The following OPLAH variants were observed in gnomAD, a reference collection of about 807,000 sequenced individuals.
OPLAH encodes the protein 5-oxoprolinase, ATP-hydrolysing.
OPLAH carries 103 observed loss-of-function variants against 122.8 expected under a neutral mutation model. The ratio of observed to expected loss-of-function variants is 0.84; its 90% CI spans 0.71 to 0.99. The LOEUF is 0.99. OPLAH is among the 50% of genes least tolerant of loss of function. The pLI is 0.00. For missense variants in OPLAH, 1,902 were observed against 1,836.5 expected (o/e 1.04, Z -0.65); for synonymous variants, 875 against 796.0 (o/e 1.10, Z -1.67).
chr8:144,062,251 G>A (rs1389369572), upstream of OPLAH, among the ~76,000 whole-genome samples: 3 of 152,120 alleles, frequency 2.0e-5, no homozygotes, highest in Admixed American at 6.5e-5. Flanking sequence ...AGACAGGGAT[G>A]GGGCCCAGGA....
At position 144,055,095 on chromosome 8, in the gene OPLAH, C is replaced by T; in HGVS notation, c.2343G>A (p.Gly781=). 1 of 1,576,762 alleles carries T rather than the reference C, an allele frequency of 6.3e-7. No homozygotes were observed. The highest frequency in any genetic ancestry group is 8.6e-7 in the Non-Finnish European group (1 of 1,162,002). Residue 781 remains glycine, a synonymous_variant, in exon 17 of 27, where the codon GGG becomes GGA. Coordinates refer to ENST00000618853, the MANE Select transcript of OPLAH (RefSeq NM_017570.5). The surrounding 1 kb of genome is among the most constrained non-coding windows in gnomAD (Gnocchi z 6.5). ...FSCALFGPDG[G]LVSNAPHIPV... ...GGATGTGGGGGGCATTGGACACCAG[C>T]CCCCCATCGGGCCCAAAGAGGGCAC...
downstream of OPLAH, chr8:144,050,509 C>T: frequency 1.0e-6 from 1 of 985,452 alleles, no homozygotes; most frequent in Non-Finnish European, 1.2e-6. Context: ...GGCCCGGCCC[C>T]GCCCACCGCG....
At chr8:144,051,168 G>A, downstream of OPLAH, 1 of 1,435,446 alleles carries the variant, frequency 7.0e-7, no homozygotes, top group African/African-American at 1.5e-5. Context: ...GGACCACCGG[G>A]CAGTGCGCCT....
At chr8:144,059,826 G>T (rs781828928) in intron 2 of OPLAH, 36 bp from the exon 3 acceptor site, 3 of 1,611,028 alleles carry the variant, frequency 1.9e-6, no homozygotes, top group Admixed American at 3.3e-5. Flanking sequence ...GCTTCTGGCC[G>T]TGGGGTCCCT....
Position 144,057,326 on chromosome 8 carries a change from G to A in OPLAH, c.1423-6C>T. The stretch of plus-strand genomic sequence containing the variant: ...GAGGGGTCATGGCCTCTTGCCTAGG[G>A]AGACAGAAGGGGTCAGTGGGCTCTC... On this transcript the variant is annotated splice_region_variant and splice_polypyrimidine_tract_variant and intron_variant, in intron 10 of 26. Transcript: ENST00000618853. 6.2e-7 allele frequency: 1 copy of A among 1,609,580 alleles called. No homozygotes were observed. The highest frequency in any genetic ancestry group is 8.5e-7 in the Non-Finnish European group (1 of 1,178,548).
intron 22 of OPLAH, 40 bp from the exon 23 acceptor site, chr8:144,052,638 G>C (rs781985960): frequency 1.3e-6 from 2 of 1,559,960 alleles, no homozygotes. Context: ...CTTGGGGTGG[G>C]CTCCGGGAGA....
rs781838569 is a variant in OPLAH at position 144,054,580 on chromosome 8, C to T, written c.2667G>A (p.Gly889=). ...AVFLSFKLVQ[G]GVFQEEAVTE... ...ACTCACCCTCCTCCTGGAAGACGCC[C>T]CCCTGGACAAGTTTGAAGGACAGAA... is the stretch of plus-strand genomic sequence containing the variant. The change falls in exon 19 of 27, where the codon GGG becomes GGA. Residue 889 remains glycine (G), a synonymous_variant. Coordinates refer to ENST00000618853, the MANE Select transcript of OPLAH (RefSeq NM_017570.5). 6.9e-6 allele frequency: 11 copies of T among 1,595,704 alleles called. No individual in the cohort carries two copies. Among genetic ancestry groups the T allele is most frequent in the African/African-American group, 4.0e-5 (3 of 74,692 alleles).
chr8:144,050,834 C>T (rs1485509950), downstream of OPLAH: 2 of 991,766 alleles, frequency 2.0e-6, no homozygotes, highest in Non-Finnish European at 2.4e-6. Context: ...CAGTCCATGG[C>T]CTCCTCCCCC....
Position 144,051,822 on chromosome 8 carries a change from G to A in OPLAH, c.3627C>T (p.Gly1209=), listed in dbSNP as rs1387741651. The change falls in exon 26 of 27, where the codon GGC becomes GGT. Residue 1209 remains glycine, a synonymous_variant. Coordinates refer to ENST00000618853, the MANE Select transcript of OPLAH (RefSeq NM_017570.5). ...GGTTTAGGCCGCGGGCGCCAGGCTC[G>A]CCCCCTGCGGAGGGAGGCGAGGAGT... ...RAFRPYGLHG[G]EPGARGLNLL... is the part of the protein sequence containing the mutation. The A allele has an allele frequency of 7.4e-6, 10 of 1,345,960 alleles. No individual in the cohort carries two copies. The highest frequency in any genetic ancestry group is 9.8e-6 in the Non-Finnish European group (10 of 1,023,534). The allele number at this position is 1,345,960 out of a possible 1,614,324, so 83.4% of individuals were successfully genotyped here. A position where few individuals can be genotyped will look rare whatever the true frequency, so the allele number is the denominator to read the frequency against.
Position 144,052,843 on chromosome 8 carries a change from C to T in OPLAH, c.3076G>A (p.Ala1026Thr), listed in dbSNP as rs1195814367. Reference protein sequence around the residue: ...TGPEVFGNLNAPRAVTLSALI... With the variant: ...TGPEVFGNLNTPRAVTLSALI... ...GCGGACAGGGTTACGGCCCGCGGTGCGTTGAGATTACCAAACACCTCCGGC... is the reference window on the plus strand; with the variant it reads ...GCGGACAGGGTTACGGCCCGCGGTGTGTTGAGATTACCAAACACCTCCGGC... Residue 1026 changes from alanine (A) to threonine (T), a missense_variant, in exon 22 of 27, where the codon GCA becomes ACA. By Grantham distance (58) the Ala-to-Thr change is moderately conservative (BLOSUM62 0). This residue lies in a region of OPLAH where 1,726 missense variants were observed against 1,642.1 expected (regional missense o/e 1.05). Transcript: ENST00000618853. 1.9e-6 allele frequency: 3 copies of T among 1,555,622 alleles called. No homozygotes were observed. The highest frequency in any genetic ancestry group is 3.9e-5 in the Admixed American group (2 of 51,410).
chr8:144,058,967 G>A lies in OPLAH; in HGVS notation c.463+13C>T, dbSNP rs1342465025. On this transcript the variant is annotated intron_variant, in intron 4 of 26. Transcript: ENST00000618853. ...TCCGGCCCCAAATCCCACAGCAGCG[G>A]CGGCACACACACCTTTCACAGGCGT... 2 of 1,560,060 alleles carry A rather than the reference G, an allele frequency of 1.3e-6. No homozygotes were observed. Among genetic ancestry groups the A allele is most frequent in the Non-Finnish European group, 1.7e-6 (2 of 1,153,608 alleles).
At chr8:144,059,146 GGGT>G in intron 3 of OPLAH, 67 bp from the exon 4 acceptor site, 2 of 1,277,156 alleles carry the variant, frequency 1.6e-6, no homozygotes, top group Non-Finnish European at 2.2e-6. Flanking sequence ...CTGTGTGAGT[GGGT>G]GGTACAGGTG....
Position 144,057,332 on chromosome 8 carries a change from G to A in OPLAH, c.1423-12C>T, listed in dbSNP as rs1554759521. The A allele has an allele frequency of 6.2e-7, 1 of 1,607,554 alleles. No individual in the cohort carries two copies. Among genetic ancestry groups the A allele is most frequent in the East Asian group, 2.2e-5 (1 of 44,656 alleles). ...TCATGGCCTCTTGCCTAGGGAGACA[G>A]AAGGGGTCAGTGGGCTCTCCTACTC... is the stretch of plus-strand genomic sequence containing the variant. On this transcript the variant is annotated splice_polypyrimidine_tract_variant and intron_variant, in intron 10 of 26. Transcript: ENST00000618853.
In OPLAH at chr8:144,055,176, G is replaced by T. The variant is rs1554758697; in HGVS notation, c.2262C>A (p.Arg754=). ...TGGAGATGGCTGTGCGCTGCAGGAT[G>T]CGGCCCATCTGCTCTAGGAGCACAA... The part of the protein sequence containing the change: ...RFMSIAEQMG[R]ILQRTAISTN... Residue 754 remains arginine, a synonymous_variant, in exon 17 of 27, where the codon CGC becomes CGA. Coordinates refer to ENST00000618853, the MANE Select transcript of OPLAH (RefSeq NM_017570.5). This position sits in a 1 kb window ranked among gnomAD's most constrained non-coding sequence, Gnocchi z 6.5. 1 of 1,543,642 alleles carries T rather than the reference G, an allele frequency of 6.5e-7. No homozygotes were observed.
chr8:144,057,054 G>A lies in OPLAH; in HGVS notation c.1600C>T (p.Pro534Ser), dbSNP rs1193257365. The A allele has an allele frequency of 6.2e-7, 1 of 1,602,294 alleles. No individual in the cohort carries two copies. Among genetic ancestry groups the A allele is most frequent in the East Asian group, 2.3e-5 (1 of 44,444 alleles). The change falls in exon 12 of 27, where the codon CCC (proline) becomes TCC (serine). Residue 534 changes from proline to serine, a missense_variant. Transcript: ENST00000618853. ...LADVVHEAQE[P>S]CSLLYAPETF... ...TCAGGCGCGTAGAGCAGGGAGCAGG[G>A]TTCCTGTGCCTCATGCACCACGTCA...
upstream of OPLAH, among the ~76,000 whole-genome samples, chr8:144,062,798 G>C (rs1835685149): frequency 6.6e-6 from 1 of 151,972 alleles, no homozygotes; most frequent in Admixed American, 6.6e-5. Context: ...CCAGGGGCCT[G>C]TGCTATCCAC....
rs782212514 is a variant in OPLAH at position 144,052,903 on chromosome 8, G to A, written c.3019-3C>T. Reference sequence around the variant, plus strand: ...CTGAAGTCAAACACGGCGCTGCCCTGCGCGCCCCGAGGGAAGGGAGAGGCT... The same window carrying A: ...CTGAAGTCAAACACGGCGCTGCCCTACGCGCCCCGAGGGAAGGGAGAGGCT... On this transcript the variant is annotated splice_region_variant and splice_polypyrimidine_tract_variant and intron_variant, in intron 21 of 26. Transcript: ENST00000618853. The A allele has an allele frequency of 4.5e-6, 7 of 1,558,150 alleles. No individual in the cohort carries two copies. The highest frequency in any genetic ancestry group is 4.3e-6 in the Non-Finnish European group (5 of 1,151,782).
Position 144,057,449 on chromosome 8 carries a change from T to C in OPLAH, c.1421A>G (p.Gln474Arg). The change falls in exon 10 of 27, where the codon CAG becomes CGG. Residue 474 changes from glutamine (Q) to arginine (R), a missense_variant and splice_region_variant. By Grantham distance (43) the Gln-to-Arg change is conservative. Around this residue, in one of 3 missense-constraint regions of OPLAH, gnomAD observed 1,726 missense variants for 1,642.1 expected, o/e 1.05. Coordinates refer to ENST00000618853, the MANE Select transcript of OPLAH (RefSeq NM_017570.5). ...AMCRPIRALT[Q>R]ARGHDPSAHV... is the part of the protein sequence containing the mutation. ...GCGGGAGAGCAGAGGTGGACGTACC[T>C]GCGTGAGTGCACGGATGGGCCGGCA... 6.3e-7 allele frequency: 1 copy of C among 1,584,146 alleles called. No homozygotes were observed.
Position 144,058,873 on chromosome 8 carries a change from C to T in OPLAH, c.487G>A (p.Val163Met), listed in dbSNP as rs1290040292. Reference sequence around the variant, plus strand: ...GCCCCCAGGTCCACAGGCTGCTGCACTTCCAGCAGGTCCCCCGTGCGGCCT... The same window carrying T: ...GCCCCCAGGTCCACAGGCTGCTGCATTTCCAGCAGGTCCCCCGTGCGGCCT... The part of the protein sequence containing the change: ...VKGRTGDLLE[V>M]QQPVDLGALR... The change falls in exon 5 of 27, where the codon GTG becomes ATG. Residue 163 changes from valine to methionine, a missense_variant. Around this residue, in one of 3 missense-constraint regions of OPLAH, gnomAD observed 1,726 missense variants for 1,642.1 expected, o/e 1.05. Transcript: ENST00000618853. 7 of 1,558,780 alleles carry T rather than the reference C, an allele frequency of 4.5e-6. No homozygotes were observed. In the African/African-American group the frequency reaches 5.5e-5, roughly 12 times the overall value.
Sources: allele counts gnomAD v4.1 joint callset (sites outside exome capture counted in the v4.1 genomes callset), GRCh38; gene constraint gnomAD v4.1.1; regional missense constraint gnomAD v4.1.1; non-coding constraint Gnocchi (gnomAD v3.1); transcripts MANE v1.5; gene names NCBI Gene and HGNC (gene_info 2026-07-23, HGNC 2026-07-21).